Variants in NDST3 observed in about 807,000 individuals in gnomAD.
NDST3 encodes N-deacetylase and N-sulfotransferase 3.
A neutral mutation model predicts 96.1 loss-of-function variants in NDST3; 58 were observed. The observed-to-expected ratio is 0.60, with a 90% CI of 0.49 to 0.75. NDST3 has a LOEUF of 0.75. Ranked by LOEUF, NDST3 falls within the 30% of genes least tolerant of loss-of-function variation. NDST3 has a pLI of 0.00. For synonymous variants in NDST3, 333 were observed against 359.7 expected, an observed-to-expected ratio of 0.93 and a Z score of 0.84; for missense variants, 788 against 1,034.2, an observed-to-expected ratio of 0.76 and a Z score of 3.27.
chr4:118,066,135 A>AATATATTTTATATATTATATATATT (rs1726328672), intron 2 of NDST3, among the ~76,000 whole-genome samples: 1 of 29,388 alleles, frequency 3.4e-5, no homozygotes, highest in African/African-American at 7.7e-5. Flanking sequence ...TATATTATAT[A>AATATATTTTATATATTATATATATT]ATATATTTTA....
intron 10 of NDST3, among the ~76,000 whole-genome samples, chr4:118,237,765 A>C (rs923511357): frequency 2.0e-5 from 3 of 152,208 alleles, no homozygotes; most frequent in African/African-American, 7.2e-5. Context: ...AAAACAGCTT[A>C]AATAGCTACT....
chr4:118,252,216 G>A (rs941960779), intron 12 of NDST3, among the ~76,000 whole-genome samples: 1 of 152,122 alleles, frequency 6.6e-6, no homozygotes, highest in Admixed American at 6.5e-5. Flanking sequence ...TTATATCTGA[G>A]CATACAAATT....
intron 8 of NDST3, among the ~76,000 whole-genome samples, chr4:118,229,155 G>C (rs1237081436): frequency 6.6e-6 from 1 of 152,106 alleles, no homozygotes; most frequent in Non-Finnish European, 1.5e-5. Context: ...ACAAAAACTA[G>C]CCAGGCGTGG....
chr4:118,075,613 C>T (rs1448219659), intron 2 of NDST3, among the ~76,000 whole-genome samples: 1 of 152,154 alleles, frequency 6.6e-6, no homozygotes, highest in Admixed American at 6.5e-5. Context: ...GATGGTATCT[C>T]ATTGTGGTTT....
rs116439575 is a variant in NDST3, at chr4:118,171,196, A to G, written c.1539+27512A>G. ...CCTGCCTACTCATTTCTTTCTTTGT[A>G]GTAGAAACTTCAGCCCTAAAAGAAC... On this transcript the variant is annotated intron_variant, in intron 6 of 13. Coordinates refer to ENST00000296499, the MANE Select transcript of NDST3 (RefSeq NM_004784.3). Among the ~76,000 whole-genome samples, 220 of 152,304 alleles carry G rather than the reference A, an allele frequency of 1.4e-3. 2 individuals carry two copies. Among genetic ancestry groups the G allele is most frequent in the African/African-American group, 5.1e-3 (213 of 41,560 alleles).
chr4:118,206,500 T>C (rs1417828396), intron 6 of NDST3, among the ~76,000 whole-genome samples: 1 of 144,316 alleles, frequency 6.9e-6, no homozygotes, highest in East Asian at 2.0e-4. Flanking sequence ...ATCTGGAATA[T>C]AGGGTGTATG....
intron 2 of NDST3, among the ~76,000 whole-genome samples, chr4:118,098,704 T>C (rs925015081): frequency 9.9e-5 from 15 of 152,162 alleles, no homozygotes; most frequent in Admixed American, 8.5e-4. Flanking sequence ...GTTATTACAA[T>C]AGAAACAATA....
intron 6 of NDST3, among the ~76,000 whole-genome samples, chr4:118,209,640 C>T (rs1334817467): frequency 6.6e-6 from 1 of 152,122 alleles, no homozygotes; most frequent in Non-Finnish European, 1.5e-5. Context: ...ATGTGAGAGA[C>T]ATAAATGTTA....
chr4:118,228,056 T>C (rs1411729732), intron 8 of NDST3, among the ~76,000 whole-genome samples: 2 of 152,208 alleles, frequency 1.3e-5, no homozygotes, highest in African/African-American at 2.4e-5. Context: ...TTTACAATCA[T>C]ATTGCTTGCT....
At chr4:118,058,618 TGTGTGTGTGTGTGTGTGCGCGCGCGC>T (rs1361607215) in intron 2 of NDST3, among the ~76,000 whole-genome samples, 13 of 36,864 alleles carry the variant, frequency 3.5e-4, no homozygotes, top group Middle Eastern at 0.015. Flanking sequence ...TGTGTGTGTG[TGTGTGTGTGTGTGTGTGCGCGCGCGC>T]GCACGCATGC....
chr4:118,126,923 T>C (rs1161951177), intron 4 of NDST3, among the ~76,000 whole-genome samples: 1 of 152,112 alleles, frequency 6.6e-6, no homozygotes, highest in Non-Finnish European at 1.5e-5. Context: ...ATAGTTTTGA[T>C]TTGCATTTCT....
In NDST3 at chr4:118,173,331, T is replaced by C. The variant is rs78834038; in HGVS notation, c.1539+29647T>C. On this transcript the variant is annotated intron_variant, in intron 6 of 13. Transcript: ENST00000296499. ...CAAGCCCACATTCTTTCCACTGTCA[T>C]TGTGCTTTGTTGATAGACTACCCCT... 8.2e-3 allele frequency among the ~76,000 whole-genome samples: 1,243 copies of C among 152,254 alleles called. 19 individuals carry two copies. The highest frequency in any genetic ancestry group is 0.028 in the African/African-American group (1,181 of 41,564).
chr4:118,233,013 T>C lies in NDST3; in HGVS notation c.1821T>C (p.Gly607=), dbSNP rs746933889. The part of the protein sequence containing the change: ...KFLVIGPQKT[G]TTALYLFLVM... ...TCTGAACCTCTATTGTCTTTCTAGG[T>C]ACCACTGCTTTGTATTTGTTCCTGG... is the stretch of plus-strand genomic sequence containing the variant. Residue 607 remains glycine (G), a splice_region_variant and synonymous_variant, in exon 9 of 14, where the codon GGT becomes GGC. Transcript: ENST00000296499. The C allele has an allele frequency of 6.2e-7, 1 of 1,611,710 alleles. No individual in the cohort carries two copies. Among genetic ancestry groups the C allele is most frequent in the South Asian group, 1.1e-5 (1 of 90,702 alleles).
chr4:118,159,312 T>C (rs1390958180), intron 6 of NDST3, among the ~76,000 whole-genome samples: 1 of 152,184 alleles, frequency 6.6e-6, no homozygotes, highest in Non-Finnish European at 1.5e-5. Context: ...AGTAATAGAT[T>C]ACAAGGTCTT....
intron 2 of NDST3, among the ~76,000 whole-genome samples, chr4:118,087,406 T>G (rs1266760260): frequency 6.6e-6 from 1 of 152,090 alleles, no homozygotes; most frequent in South Asian, 2.1e-4. Context: ...TCCTGGAAGA[T>G]CCCCTGTATT....
intron 6 of NDST3, among the ~76,000 whole-genome samples, chr4:118,184,050 C>T (rs914600430): frequency 1.3e-5 from 2 of 152,216 alleles, no homozygotes; most frequent in African/African-American, 4.8e-5. Context: ...TTTAGTTTTA[C>T]AGAGTCTCAC....
intron 6 of NDST3, among the ~76,000 whole-genome samples, chr4:118,220,880 C>T (rs979414068): frequency 3.3e-5 from 5 of 152,028 alleles, no homozygotes; most frequent in Non-Finnish European, 5.9e-5. Flanking sequence ...TACTACAAAG[C>T]AACCAATGGG....
chr4:118,155,049 T>C (rs1734634855), intron 6 of NDST3, among the ~76,000 whole-genome samples: 1 of 152,256 alleles, frequency 6.6e-6, no homozygotes, highest in African/African-American at 2.4e-5. Context: ...AATAAAGAAC[T>C]ATGTTCTCTT....
In NDST3 at chr4:118,256,411, A is replaced by C. The variant is rs1742126913; in HGVS notation, c.*699A>C. The C allele has an allele frequency of 6.6e-6, 1 of 152,220 alleles. No individual in the cohort carries two copies. Among genetic ancestry groups the C allele is most frequent in the Non-Finnish European group, 1.5e-5 (1 of 68,044 alleles). The allele number at this position is 152,220 out of a possible 1,614,324, so 9.4% of individuals were successfully genotyped here. ...ATCACAACGTAATTGTTATACTGAA[A>C]TATATACTGTAAAGCTGTTGGATGG... On this transcript the variant is annotated 3_prime_UTR_variant, in exon 14 of 14. Transcript: ENST00000296499.
Sources: gnomAD v4.1 joint callset for allele counts (sites outside exome capture counted in the v4.1 genomes callset) on GRCh38, gnomAD v4.1.1 for gene constraint, MANE v1.5 for transcripts, NCBI Gene and HGNC (gene_info 2026-07-23, HGNC 2026-07-21) for gene names.